Variants in PPM1A observed in about 807,000 individuals in gnomAD.
PPM1A encodes the protein protein phosphatase, Mg2+/Mn2+ dependent 1A, also known as protein phosphatase 1A.
In PPM1A, 7 loss-of-function variants were observed where a neutral mutation model predicts 35.0. That is an observed-to-expected ratio of 0.20 (90% CI 0.11 to 0.38). The LOEUF is 0.38. PPM1A is among the 10% of genes least tolerant of loss of function. The pLI, the probability that PPM1A is intolerant of heterozygous loss-of-function variation, is 1.00. For missense variants in PPM1A, 239 were observed against 467.8 expected (o/e 0.51, Z 4.51); for synonymous variants, 153 against 167.3 (o/e 0.91, Z 0.66).
chr14:60,264,311 T>G (rs1404740758), intron 1 of PPM1A, among the ~76,000 whole-genome samples: 1 of 152,124 alleles, frequency 6.6e-6, no homozygotes, highest in African/African-American at 2.4e-5. Context: ...CTAATTGTTA[T>G]GCTTCTGTAT....
Position 60,282,859 on chromosome 14 carries a change from G to T in PPM1A, c.156G>T (p.Ser52=), listed in dbSNP as rs149289409. The change falls in exon 2 of 6, where the codon TCG becomes TCT. Residue 52 remains serine, a synonymous_variant. Transcript: ENST00000395076. This position sits in a 1 kb window ranked among gnomAD's most constrained non-coding sequence, Gnocchi z 5.1. The part of the protein sequence containing the change: ...AVIGLPSGLE[S]WSFFAVYDGH... Reference sequence around the variant, plus strand: ...TCGGTTTGCCAAGTGGACTTGAATCGTGGTCATTCTTTGCTGTGTATGATG... The same window carrying T: ...TCGGTTTGCCAAGTGGACTTGAATCTTGGTCATTCTTTGCTGTGTATGATG... 6.2e-7 allele frequency: 1 copy of T among 1,614,132 alleles called. No individual in the cohort carries two copies. The highest frequency in any genetic ancestry group is 1.1e-5 in the South Asian group (1 of 91,084).
intron 1 of PPM1A, among the ~76,000 whole-genome samples, chr14:60,275,557 G>A (rs1566590240): frequency 6.6e-6 from 1 of 152,106 alleles, no homozygotes; most frequent in Non-Finnish European, 1.5e-5. Context: ...CACCATTATA[G>A]GTCACTGCAG....
intron 1 of PPM1A, among the ~76,000 whole-genome samples, chr14:60,266,921 AGT>A (rs1425610604): frequency 3.3e-5 from 5 of 152,192 alleles, no homozygotes; most frequent in Non-Finnish European, 5.9e-5. Context: ...AAGAAAAAGA[AGT>A]GTGTGTTATT....
In PPM1A at chr14:60,285,605, C is replaced by CA. The variant is rs1465629002; in HGVS notation, c.835-16dup. 1 of 1,610,382 alleles carries CA rather than the reference C, an allele frequency of 6.2e-7. No individual in the cohort carries two copies. The highest frequency in any genetic ancestry group is 8.5e-7 in the Non-Finnish European group (1 of 1,178,304). On this transcript the variant is annotated intron_variant, in intron 2 of 5. Transcript: ENST00000395076. The stretch of plus-strand genomic sequence containing the variant: ...AGCAAAAAGAAAACTAAAATATTCT[C>CA]AAATTTTTTTCTTCCCAGGGAAGTC...
intron 1 of PPM1A, among the ~76,000 whole-genome samples, chr14:60,266,628 T>A (rs1488353327): frequency 4.6e-5 from 7 of 152,170 alleles, no homozygotes; most frequent in African/African-American, 1.7e-4. Flanking sequence ...ATCTCTCTGT[T>A]CCCAGAGAGC....
At position 60,297,641 on chromosome 14, in the gene PPM1A, A is replaced by G. The variant is rs190403165; in HGVS notation, c.*5159A>G. On this transcript the variant is annotated 3_prime_UTR_variant, in exon 6 of 6. Coordinates refer to ENST00000395076, the MANE Select transcript of PPM1A (RefSeq NM_021003.5). ...TGATCCAGTATAAGACTATTTAGTAACGTGCATTTGTATGGTACTATCTAA... is the reference window on the plus strand; with the variant it reads ...TGATCCAGTATAAGACTATTTAGTAGCGTGCATTTGTATGGTACTATCTAA... 6.6e-6 allele frequency: 1 copy of G among 151,816 alleles called. No homozygotes were observed. Among genetic ancestry groups the G allele is most frequent in the Admixed American group, 6.6e-5 (1 of 15,228 alleles). The allele number at this position is 151,816 out of a possible 1,614,324, so 9.4% of individuals were successfully genotyped here.
intron 1 of PPM1A, among the ~76,000 whole-genome samples, chr14:60,272,006 A>G (rs73317813): frequency 0.013 from 1,923 of 151,478 alleles, 42 homozygotes; most frequent in African/African-American, 0.044. Context: ...TAGACCTATA[A>G]TTTTTAACTT....
At chr14:60,277,832 A>G (rs117977838) in intron 1 of PPM1A, among the ~76,000 whole-genome samples, 221 of 152,320 alleles carry the variant, frequency 1.5e-3, no homozygotes, top group Non-Finnish European at 2.8e-3. Context: ...GAAAGTATTA[A>G]TATGCCCACT....
intron 1 of PPM1A, among the ~76,000 whole-genome samples, chr14:60,266,618 ATC>A (rs942693051): frequency 6.6e-6 from 1 of 152,184 alleles, no homozygotes. Context: ...CCATTATTGA[ATC>A]TCTCTGTTCC....
Position 60,292,358 on chromosome 14 carries a change from CA to C in PPM1A, c.1120-94del. Reference sequence around the variant, plus strand: ...ATTTATATTCTAAAAGTCATCTTTACAGAACATTATCTTTCTCCATTATCCA... The same window carrying C: ...ATTTATATTCTAAAAGTCATCTTTACGAACATTATCTTTCTCCATTATCCA... On this transcript the variant is annotated intron_variant, in intron 5 of 5. Transcript: ENST00000395076. The surrounding 1 kb of genome is among the most constrained non-coding windows in gnomAD (Gnocchi z 4.2). 1 of 905,226 alleles carries C rather than the reference CA, an allele frequency of 1.1e-6. No homozygotes were observed. Among genetic ancestry groups the C allele is most frequent in the South Asian group, 1.5e-5 (1 of 67,146 alleles). 56.1% of individuals were successfully genotyped at this position (905,226 alleles called of 1,614,324 possible).
chr14:60,254,056 T>C (rs1419012189), intron 1 of PPM1A, among the ~76,000 whole-genome samples: 2 of 152,230 alleles, frequency 1.3e-5, no homozygotes, highest in African/African-American at 4.8e-5. Flanking sequence ...AGATCTTTTC[T>C]ACCATGAAGA....
upstream of PPM1A, chr14:60,249,117 C>T (rs1881999119): frequency 3.3e-6 from 2 of 612,672 alleles, no homozygotes; most frequent in Non-Finnish European, 4.1e-6. The surrounding 1 kb of genome is among the most constrained non-coding windows in gnomAD (Gnocchi z 4.5). Flanking sequence ...TGTAGCTGCG[C>T]GCCGCGCCGC....
intron 1 of PPM1A, chr14:60,277,066 G>A (rs1356317735): frequency 2.5e-6 from 3 of 1,200,414 alleles, no homozygotes; most frequent in African/African-American, 1.6e-5. Context: ...GACTCAGCTT[G>A]TACTCAAGAA....
At chr14:60,256,448 A>G (rs2139350119) in intron 1 of PPM1A, among the ~76,000 whole-genome samples, 1 of 152,348 alleles carries the variant, frequency 6.6e-6, no homozygotes, top group Non-Finnish European at 1.5e-5. Flanking sequence ...AAGAAGAAGA[A>G]AAAAGAAAAT....
intron 3 of PPM1A, chr14:60,287,473 A>T (rs1328104195): frequency 1.6e-5 from 16 of 985,058 alleles, no homozygotes; most frequent in Non-Finnish European, 1.8e-5. Flanking sequence ...ATAGAATGTA[A>T]CTGTTTGTAT....
chr14:60,287,969 T>A, intron 3 of PPM1A: 1 of 983,896 alleles, frequency 1.0e-6, no homozygotes, highest in Non-Finnish European at 1.2e-6. Context: ...ATCTTCTATA[T>A]ATAAATATTC....
Position 60,249,403 on chromosome 14 carries a change from A to G in PPM1A, c.-295A>G. 1.0e-6 allele frequency: 1 copy of G among 984,376 alleles called. No individual in the cohort carries two copies. Among genetic ancestry groups the G allele is most frequent in the Non-Finnish European group, 1.2e-6 (1 of 829,576 alleles). The allele number at this position is 984,376 out of a possible 1,614,324, so 61.0% of individuals were successfully genotyped here. A position where few individuals can be genotyped will look rare whatever the true frequency, so the allele number is the denominator to read the frequency against. ...AGACAGCTGAGGCGCGAAAGCGATG[A>G]GTCCTCGGCTCTTCCTCCTCCTTCT... On this transcript the variant is annotated 5_prime_UTR_variant, in exon 1 of 6. Transcript: ENST00000395076. This position sits in a 1 kb window ranked among gnomAD's most constrained non-coding sequence, Gnocchi z 4.5.
intron 1 of PPM1A, chr14:60,256,962 G>A (rs1173980356): frequency 6.6e-6 from 1 of 152,204 alleles, no homozygotes; most frequent in African/African-American, 2.4e-5. Context: ...TTGTGATTGA[G>A]TTGGGATTTG....
At chr14:60,245,793 T>A, upstream of PPM1A, 7 of 1,468,920 alleles carry the variant, frequency 4.8e-6, no homozygotes, top group Non-Finnish European at 5.5e-6. The surrounding 1 kb of genome is among the most constrained non-coding windows in gnomAD (Gnocchi z 4.2). Flanking sequence ...AGGGCCAGGG[T>A]AGGGGGCACA....
Sources: allele counts gnomAD v4.1 joint callset (sites outside exome capture counted in the v4.1 genomes callset), GRCh38; gene constraint gnomAD v4.1.1; non-coding constraint Gnocchi (gnomAD v3.1); transcripts MANE v1.5; gene names NCBI Gene and HGNC (gene_info 2026-07-23, HGNC 2026-07-21).